The following CCDC7 variants were observed in gnomAD, a reference collection of about 807,000 sequenced individuals.
CCDC7 encodes coiled-coil domain containing 7.
CCDC7 carries 183 observed loss-of-function variants against 196.9 expected under a neutral mutation model. The observed-to-expected ratio is 0.93, with a 90% CI of 0.82 to 1.05. The LOEUF (loss-of-function observed/expected upper bound fraction) is 1.05. Among genes scored for constraint, CCDC7 ranks in the 50% least tolerant of loss-of-function variants. CCDC7 has a pLI of 0.00. For synonymous variants in CCDC7, 525 were observed against 484.6 expected, an observed-to-expected ratio of 1.08 and a Z score of -1.10; for missense variants, 1,540 against 1,482.2, an observed-to-expected ratio of 1.04 and a Z score of -0.64.
At chr10:32,686,795 A>G (rs1276842294) in intron 22 of CCDC7, among the ~76,000 whole-genome samples, 5 of 152,188 alleles carry the variant, frequency 3.3e-5, no homozygotes, top group African/African-American at 1.2e-4. Flanking sequence ...TTATGTATTA[A>G]TGGCCCAGCC....
chr10:32,729,575 C>G (rs1269991441), intron 28 of CCDC7, 118 bp downstream of exon 29: 1 of 456,294 alleles, frequency 2.2e-6, no homozygotes, highest in African/African-American at 2.0e-5. Context: ...TTCCATCACA[C>G]TACCAGATCT....
chr10:32,514,290 A>T (rs187892548), intron 9 of CCDC7: 1 of 152,358 alleles, frequency 6.6e-6, no homozygotes, highest in Non-Finnish European at 1.5e-5. Context: ...CGATATTATT[A>T]GTTGAGATGA....
At chr10:32,851,142 C>T (rs1226964974) in intron 39 of CCDC7, among the ~76,000 whole-genome samples, 1 of 151,988 alleles carries the variant, frequency 6.6e-6, no homozygotes, top group African/African-American at 2.4e-5. Flanking sequence ...TCTGCTTTTA[C>T]TACTTCTGTG....
At chr10:32,785,517 AAGTT>A (rs2081715910) in intron 29 of CCDC7, among the ~76,000 whole-genome samples, 1 of 152,172 alleles carries the variant, frequency 6.6e-6, no homozygotes, top group South Asian at 2.1e-4. Flanking sequence ...GAAAACTAAA[AAGTT>A]AGGATTATAA....
At chr10:32,668,860 C>T (rs564300529) in intron 21 of CCDC7, among the ~76,000 whole-genome samples, 1 of 152,178 alleles carries the variant, frequency 6.6e-6, no homozygotes, top group Admixed American at 6.5e-5. Flanking sequence ...AATTTTACTT[C>T]CCCCATCCAA....
At chr10:32,816,995 T>C (rs1438947910) in intron 31 of CCDC7, among the ~76,000 whole-genome samples, 1 of 152,146 alleles carries the variant, frequency 6.6e-6, no homozygotes, top group Non-Finnish European at 1.5e-5. Flanking sequence ...AGAATGACTT[T>C]GATGAGTTGA....
intron 32 of CCDC7, among the ~76,000 whole-genome samples, chr10:32,827,550 G>C (rs1462365128): frequency 6.6e-6 from 1 of 151,820 alleles, no homozygotes; most frequent in Non-Finnish European, 1.5e-5. Context: ...GGCTAAAGAA[G>C]TGCGGCAGTA....
At chr10:32,658,991 T>C (rs757797544) in intron 20 of CCDC7, among the ~76,000 whole-genome samples, 16 of 150,144 alleles carry the variant, frequency 1.1e-4, no homozygotes, top group Non-Finnish European at 1.8e-4. Context: ...AAGCTCTTAG[T>C]TTTGTTGACC....
At chr10:32,585,832 C>T (rs2059215161) in intron 18 of CCDC7, among the ~76,000 whole-genome samples, 1 of 152,136 alleles carries the variant, frequency 6.6e-6, no homozygotes, top group African/African-American at 2.4e-5. Context: ...CCACAGTAAA[C>T]ATACATGTGC....
intron 31 of CCDC7, among the ~76,000 whole-genome samples, chr10:32,818,445 C>A (rs1193340356): frequency 6.6e-6 from 1 of 152,102 alleles, no homozygotes; most frequent in Non-Finnish European, 1.5e-5. Flanking sequence ...AGAAAGTTAA[C>A]AAGGATATCC....
rs143241258 is a variant in CCDC7, at chr10:32,754,955, A to G, written c.2906-24022A>G. On this transcript the variant is annotated intron_variant, in intron 28 of 41. Transcript: ENST00000639629. ...TTTTCCAATGGTCTTAGCAAACAGC[A>G]CACCAGGAGATTATATCCCGCGCTG... Among the ~76,000 whole-genome samples the G allele has an allele frequency of 6.4e-3, 976 of 152,310 alleles. 15 individuals carry two copies. Among genetic ancestry groups the G allele is most frequent in the African/African-American group, 0.023 (937 of 41,554 alleles).
chr10:32,742,084 T>C (rs2085950333), intron 28 of CCDC7, among the ~76,000 whole-genome samples: 1 of 152,236 alleles, frequency 6.6e-6, no homozygotes, highest in Admixed American at 6.5e-5. Flanking sequence ...TTTGTTCCAA[T>C]GTGAACATCT....
At chr10:32,598,293 A>G (rs551822316) in intron 18 of CCDC7, among the ~76,000 whole-genome samples, 1 of 152,194 alleles carries the variant, frequency 6.6e-6, no homozygotes, top group African/African-American at 2.4e-5. Context: ...TAGATGTGGG[A>G]CCCTCCGAGT....
chr10:32,709,286 A>C (rs1398473464), intron 24 of CCDC7, among the ~76,000 whole-genome samples: 2 of 133,732 alleles, frequency 1.5e-5, no homozygotes, highest in Non-Finnish European at 3.1e-5. Context: ...ACACTTGGAC[A>C]CAGGAAGGGG....
intron 9 of CCDC7, among the ~76,000 whole-genome samples, chr10:32,517,532 C>G (rs1225362959): frequency 7.1e-6 from 1 of 140,514 alleles, no homozygotes; most frequent in African/African-American, 2.7e-5. Flanking sequence ...AAAATCTTTA[C>G]AAAGAAAATG....
At chr10:32,641,091 C>T (rs2066714291) in intron 20 of CCDC7, among the ~76,000 whole-genome samples, 1 of 152,050 alleles carries the variant, frequency 6.6e-6, no homozygotes, top group Non-Finnish European at 1.5e-5. Flanking sequence ...TAACATTTTT[C>T]CTTCATTTCA....
chr10:32,874,240 T>C (rs574892918), intron 41 of CCDC7, among the ~76,000 whole-genome samples: 1 of 150,570 alleles, frequency 6.6e-6, no homozygotes, highest in African/African-American at 2.4e-5. Flanking sequence ...ATATTTATTA[T>C]TATTTATTAA....
At chr10:32,858,732 C>A (rs2093854919) in intron 41 of CCDC7, among the ~76,000 whole-genome samples, 2 of 151,472 alleles carry the variant, frequency 1.3e-5, no homozygotes, top group African/African-American at 2.4e-5. Context: ...GAATATTTTC[C>A]AAGCAAATGG....
exon 23 of CCDC7, chr10:32,689,059 A>G (rs774310636): frequency 7.6e-6 from 12 of 1,581,336 alleles, no homozygotes; most frequent in African/African-American, 1.3e-5. Context: ...GTAGCTCCTG[A>G]TAAAGAACCA....
Sources: allele counts gnomAD v4.1 joint callset (sites outside exome capture counted in the v4.1 genomes callset), GRCh38; gene constraint gnomAD v4.1.1; transcripts MANE v1.5; gene names NCBI Gene and HGNC (gene_info 2026-07-23, HGNC 2026-07-21).